The following PHKB variants were observed in gnomAD, a reference collection of about 807,000 sequenced individuals.
PHKB encodes phosphorylase kinase regulatory subunit beta.
In PHKB, 122 loss-of-function variants were observed where a neutral mutation model predicts 152.1. The ratio of observed to expected loss-of-function variants is 0.80; its 90% confidence interval spans 0.69 to 0.93. The LOEUF (loss-of-function observed/expected upper bound fraction) is 0.93, where lower values mean the gene tolerates loss of function less well. PHKB is among the 40% of genes least tolerant of loss of function. The pLI, the probability that PHKB is intolerant of heterozygous loss-of-function variation, is 0.00. For synonymous variants in PHKB, 436 were observed against 464.9 expected (o/e 0.94, Z 0.80); for missense variants, 1,304 against 1,328.4 (o/e 0.98, Z 0.29).
chr16:47,661,920 CT>C, intron 23 of PHKB, 120 bp downstream of exon 23: 1 of 743,936 alleles, frequency 1.3e-6, no homozygotes, highest in Non-Finnish European at 2.4e-6. Flanking sequence ...ATTAAACCTT[CT>C]TTTTCACTTT....
chr16:47,628,105 C>A (rs1972743651), intron 14 of PHKB, among the ~76,000 whole-genome samples: 1 of 152,190 alleles, frequency 6.6e-6, no homozygotes, highest in Admixed American at 6.5e-5. Flanking sequence ...TGAGCAAGAC[C>A]AGCCTGGAGG....
chr16:47,647,124 T>C (rs1257866276), intron 16 of PHKB, among the ~76,000 whole-genome samples: 1 of 151,934 alleles, frequency 6.6e-6, no homozygotes, highest in Non-Finnish European at 1.5e-5. Flanking sequence ...TATTTATTTA[T>C]TTATTTATTT....
At chr16:47,503,632 C>CA (rs1970361665) in intron 4 of PHKB, among the ~76,000 whole-genome samples, 1 of 152,054 alleles carries the variant, frequency 6.6e-6, no homozygotes, top group African/African-American at 2.4e-5. Context: ...AGATCGAGAC[C>CA]ATCCTGGCCA....
chr16:47,546,707 C>A (rs187014955), intron 6 of PHKB, among the ~76,000 whole-genome samples: 1 of 152,258 alleles, frequency 6.6e-6, no homozygotes, highest in South Asian at 2.1e-4. Flanking sequence ...ATGCCATGCC[C>A]CCACAAGTGG....
At chr16:47,489,647 A>G (rs1970112190) in intron 1 of PHKB, among the ~76,000 whole-genome samples, 1 of 152,190 alleles carries the variant, frequency 6.6e-6, no homozygotes, top group South Asian at 2.1e-4. Flanking sequence ...TGGAGTTCGT[A>G]GGCCTGTTAG....
At chr16:47,630,648 A>T (rs892102324) in intron 14 of PHKB, among the ~76,000 whole-genome samples, 4 of 152,146 alleles carry the variant, frequency 2.6e-5, no homozygotes, top group African/African-American at 7.2e-5. Flanking sequence ...GTGATTGTTA[A>T]TTTTACATGT....
chr16:47,567,017 G>T, intron 7 of PHKB: 2 of 389,448 alleles, frequency 5.1e-6, no homozygotes, highest in Admixed American at 4.2e-5. Context: ...TTTTAAGTCA[G>T]GTAATGTGAT....
At position 47,649,053 on chromosome 16, in the gene PHKB, T is replaced by A. The variant is rs765670245; in HGVS notation, c.1693-47T>A. The stretch of plus-strand genomic sequence containing the variant: ...AGACTTACAGCACTGCACCTTTGCC[T>A]TTGGTATGTTCTTTAGTTATTTGTT... On this transcript the variant is annotated intron_variant, in intron 17 of 30. Coordinates refer to ENST00000323584, the MANE Select transcript of PHKB (RefSeq NM_000293.3). 2.9e-6 allele frequency: 3 copies of A among 1,035,176 alleles called. No individual in the cohort carries two copies. The Admixed American group carries it at 5.1e-5, about 17-fold the overall frequency. 64.1% of individuals were successfully genotyped at this position (1,035,176 alleles called of 1,614,324 possible).
intron 6 of PHKB, among the ~76,000 whole-genome samples, chr16:47,536,861 A>G (rs1466648901): frequency 2.6e-5 from 4 of 152,248 alleles, no homozygotes; most frequent in African/African-American, 4.8e-5. Flanking sequence ...GGCTCTAAGT[A>G]TAGTGAGAGT....
intron 6 of PHKB, among the ~76,000 whole-genome samples, chr16:47,528,599 T>G (rs753622590): frequency 3.8e-4 from 58 of 152,032 alleles, no homozygotes; most frequent in Non-Finnish European, 7.8e-4. Context: ...AATGAGAATG[T>G]AAATGAGTCA....
intron 4 of PHKB, among the ~76,000 whole-genome samples, chr16:47,510,436 A>G (rs1970490862): frequency 6.6e-6 from 1 of 152,060 alleles, no homozygotes; most frequent in South Asian, 2.1e-4. Context: ...ATTAGCAAAA[A>G]CTCAGGTATG....
chr16:47,675,172 A>G (rs555168412), intron 26 of PHKB, among the ~76,000 whole-genome samples: 1 of 152,272 alleles, frequency 6.6e-6, no homozygotes, highest in East Asian at 1.9e-4. Context: ...TCCCAAGGTC[A>G]CAGGCCAAGA....
At chr16:47,696,538 C>A in intron 29 of PHKB, 50 bp downstream of exon 29, 1 of 1,005,342 alleles carries the variant, frequency 9.9e-7, no homozygotes, top group Non-Finnish European at 1.6e-6. Flanking sequence ...CTCTCTGCTC[C>A]GTGAAAACTA....
chr16:47,675,576 C>T (rs940688525), intron 26 of PHKB: 3 of 151,828 alleles, frequency 2.0e-5, no homozygotes, highest in African/African-American at 7.3e-5. Context: ...TTCTTGTCTT[C>T]TGGTCCTAGG....
chr16:47,556,945 G>T (rs1463557200), intron 7 of PHKB, among the ~76,000 whole-genome samples: 1 of 152,162 alleles, frequency 6.6e-6, no homozygotes, highest in African/African-American at 2.4e-5. Flanking sequence ...CACAATTTCA[G>T]ATCCTGTTAT....
At chr16:47,683,861 T>C (rs1973911413) in intron 26 of PHKB, among the ~76,000 whole-genome samples, 1 of 152,246 alleles carries the variant, frequency 6.6e-6, no homozygotes, top group Non-Finnish European at 1.5e-5. Flanking sequence ...TCGCTCACGC[T>C]GGGAACTGTA....
intron 6 of PHKB, among the ~76,000 whole-genome samples, chr16:47,528,944 T>A (rs1051167496): frequency 6.6e-6 from 1 of 152,062 alleles, no homozygotes; most frequent in African/African-American, 2.4e-5. Flanking sequence ...TCCACCCACC[T>A]CAACCTCCCA....
At chr16:47,500,309 C>T (rs1970303797) in intron 3 of PHKB, among the ~76,000 whole-genome samples, 1 of 152,176 alleles carries the variant, frequency 6.6e-6, no homozygotes, top group East Asian at 1.9e-4. Flanking sequence ...GCTGGGATTA[C>T]AGGTGTGAAC....
In PHKB at chr16:47,660,760, G is replaced by T; in HGVS notation, c.2137G>T (p.Asp713Tyr). The change falls in exon 22 of 31, where the codon GAT (aspartate) becomes TAT (tyrosine). Residue 713 changes from aspartate to tyrosine, a missense_variant. Coordinates refer to ENST00000323584, the MANE Select transcript of PHKB (RefSeq NM_000293.3). ...TGCTCCTGAACTGGGACAGCAGCCG[G>T]ATGTCAACATTAGTGAATGGAAGGA... ...PSAPELGQQP[D>Y]VNISEWKDKP... 6.2e-7 allele frequency: 1 copy of T among 1,614,092 alleles called. No homozygotes were observed. The highest frequency in any genetic ancestry group is 2.2e-5 in the East Asian group (1 of 44,876).
Sources: allele counts gnomAD v4.1 joint callset (sites outside exome capture counted in the v4.1 genomes callset), GRCh38; gene constraint gnomAD v4.1.1; transcripts MANE v1.5; gene names NCBI Gene and HGNC (gene_info 2026-07-23, HGNC 2026-07-21).